The following KLHL32 variants were observed in gnomAD, a reference collection of about 807,000 sequenced individuals.
KLHL32 encodes kelch-like protein 32.
A neutral mutation model predicts 64.8 loss-of-function variants in KLHL32; 35 were observed. That is an observed-to-expected ratio of 0.54 (90% CI 0.41 to 0.72). KLHL32 has a LOEUF of 0.72. Ranked by LOEUF, KLHL32 falls within the 30% of genes least tolerant of loss-of-function variation. The pLI, the probability that KLHL32 is intolerant of heterozygous loss-of-function variation, is 0.00. For missense variants in KLHL32, 589 were observed against 768.5 expected, an observed-to-expected ratio of 0.77 and a Z score of 2.76; for synonymous variants, 259 against 281.0, an observed-to-expected ratio of 0.92 and a Z score of 0.78.
chr6:96,973,478 T>C (rs1231648603), intron 2 of KLHL32, among the ~76,000 whole-genome samples: 4 of 152,184 alleles, frequency 2.6e-5, no homozygotes, highest in Admixed American at 6.5e-5. Flanking sequence ...GTTGTGAAAG[T>C]TTCAAATATA....
chr6:97,041,440 C>A, intron 3 of KLHL32, 52 bp from the exon 4 acceptor site: 1 of 1,221,896 alleles, frequency 8.2e-7, no homozygotes, highest in Non-Finnish European at 1.2e-6. Flanking sequence ...TTTTGTCTTG[C>A]TCCCTTGCTG....
the KLHL32 span, among the ~76,000 whole-genome samples, chr6:96,899,864 G>A: frequency 6.6e-6 from 1 of 152,232 alleles, no homozygotes; most frequent in East Asian, 1.9e-4. Flanking sequence ...TGCTTAGAAT[G>A]AAGCTTCCAT....
chr6:96,981,968 A>G (rs1776367171), intron 3 of KLHL32, among the ~76,000 whole-genome samples: 1 of 152,054 alleles, frequency 6.6e-6, no homozygotes, highest in Admixed American at 6.6e-5. Context: ...TTTTATGGCT[A>G]ATTGAGTCAT....
Position 97,139,453 on chromosome 6 carries a change from C to G in KLHL32, c.*171C>G. On this transcript the variant is annotated 3_prime_UTR_variant, in exon 11 of 11. Coordinates refer to ENST00000369261, the MANE Select transcript of KLHL32 (RefSeq NM_052904.4). ...AAAATACGTTATTGAAAACTCGTCACCCTTCTCAGTGTATGTCAACATTCA... is the reference window on the plus strand; with the variant it reads ...AAAATACGTTATTGAAAACTCGTCAGCCTTCTCAGTGTATGTCAACATTCA... The G allele has an allele frequency of 1.7e-6, 1 of 602,310 alleles. No homozygotes were observed. The highest frequency in any genetic ancestry group is 2.9e-6 in the Non-Finnish European group (1 of 346,590). The allele number at this position is 602,310 out of a possible 1,614,324, so 37.3% of individuals were successfully genotyped here.
chr6:97,140,516 A>G lies in KLHL32; in HGVS notation c.*1234A>G, dbSNP rs1800575496. On this transcript the variant is annotated 3_prime_UTR_variant, in exon 11 of 11. Coordinates refer to ENST00000369261, the MANE Select transcript of KLHL32 (RefSeq NM_052904.4). ...GGGTTTGCTTTGTCTATAACAAAAA[A>G]TAAATACAACAACTTAATAATCACA... 6.6e-6 allele frequency: 1 copy of G among 152,082 alleles called. No homozygotes were observed. The highest frequency in any genetic ancestry group is 2.4e-5 in the African/African-American group (1 of 41,460). The allele number at this position is 152,082 out of a possible 1,614,324, so 9.4% of individuals were successfully genotyped here. A position where few individuals can be genotyped will look rare whatever the true frequency, so the allele number is the denominator to read the frequency against.
intron 3 of KLHL32, among the ~76,000 whole-genome samples, chr6:97,019,592 C>T (rs1390155798): frequency 6.6e-6 from 1 of 152,168 alleles, no homozygotes; most frequent in Non-Finnish European, 1.5e-5. Context: ...GTTCTCTCAG[C>T]AGCTAGGAAT....
At chr6:96,960,890 G>A (rs1389878218) in intron 1 of KLHL32, among the ~76,000 whole-genome samples, 1 of 152,166 alleles carries the variant, frequency 6.6e-6, no homozygotes, top group Non-Finnish European at 1.5e-5. Flanking sequence ...TAAAGACCTA[G>A]AATCAACAGA....
intron 2 of KLHL32, among the ~76,000 whole-genome samples, chr6:96,970,232 A>G (rs1052209959): frequency 2.0e-5 from 3 of 152,132 alleles, no homozygotes; most frequent in Non-Finnish European, 4.4e-5. Flanking sequence ...TTGGTACTAC[A>G]GCTTGAATGA....
At chr6:97,023,392 A>C (rs1258937470) in intron 3 of KLHL32, among the ~76,000 whole-genome samples, 1 of 152,208 alleles carries the variant, frequency 6.6e-6, no homozygotes, top group Non-Finnish European at 1.5e-5. Context: ...TATAAAACTG[A>C]TCAGTGTAAC....
chr6:97,035,809 G>C (rs1784211805), intron 3 of KLHL32, among the ~76,000 whole-genome samples: 1 of 152,076 alleles, frequency 6.6e-6, no homozygotes, highest in Non-Finnish European at 1.5e-5. Context: ...TCCTGGTGCA[G>C]ATCTCTTTGT....
chr6:97,081,102 G>A (rs1007260406), intron 5 of KLHL32, among the ~76,000 whole-genome samples: 2 of 152,154 alleles, frequency 1.3e-5, no homozygotes, highest in Non-Finnish European at 2.9e-5. Flanking sequence ...TCCAATAAGA[G>A]GGCACAGACC....
At chr6:97,125,255 G>T (rs544009808) in intron 7 of KLHL32, among the ~76,000 whole-genome samples, 92 of 152,144 alleles carry the variant, frequency 6.0e-4, no homozygotes, top group Non-Finnish European at 1.2e-3. Flanking sequence ...GGCCTGGATA[G>T]GTTCCTTCCC....
intron 6 of KLHL32, 93 bp downstream of exon 6, chr6:97,085,434 G>A (rs1793266378): frequency 9.2e-7 from 1 of 1,082,928 alleles, no homozygotes; most frequent in Non-Finnish European, 1.4e-6. Flanking sequence ...CTATTTTAGT[G>A]GCTTTGGTCC....
At chr6:96,925,930 T>C (rs543814375) in intron 1 of KLHL32, among the ~76,000 whole-genome samples, 1 of 152,310 alleles carries the variant, frequency 6.6e-6, no homozygotes, top group South Asian at 2.1e-4. Context: ...CTAGAGCTTA[T>C]ATGAAAGTGC....
chr6:97,114,235 C>T lies in KLHL32; in HGVS notation c.1080C>T (p.Gly360=). The change falls in exon 7 of 11, where the codon GGC becomes GGT. Residue 360 remains glycine, a synonymous_variant. Coordinates refer to ENST00000369261, the MANE Select transcript of KLHL32 (RefSeq NM_052904.4). ...VAGGEVEHAS[G]RTCAVRTACR... is the part of the protein sequence containing the mutation. ...GAGGGGAAGTTGAGCATGCCAGTGG[C>T]CGGACGTGTGCTGTGAGGACTGCCT... 1.2e-6 allele frequency: 2 copies of T among 1,614,056 alleles called. No individual in the cohort carries two copies. Among genetic ancestry groups the T allele is most frequent in the East Asian group, 4.5e-5 (2 of 44,868 alleles).
In KLHL32 at chr6:96,932,773, G is replaced by A. The variant is rs548256285; in HGVS notation, c.-66+7747G>A. Among the ~76,000 whole-genome samples the A allele has an allele frequency of 9.9e-5, 15 of 151,966 alleles. No individual in the cohort carries two copies. The South Asian group carries it at 3.1e-3, about 32-fold the overall frequency. ...TTTGTAGAGATGGGTGTCTCACTAT[G>A]TTTCCCTGGCTGGTCTCGAGCTCCT... On this transcript the variant is annotated intron_variant, in intron 1 of 10. Transcript: ENST00000369261.
the KLHL32 span, among the ~76,000 whole-genome samples, chr6:96,911,734 TCTTA>T: frequency 3.3e-5 from 5 of 152,072 alleles, no homozygotes; most frequent in Non-Finnish European, 5.9e-5. Context: ...TTGGTCTTTT[TCTTA>T]CTTATTACTC....
At chr6:96,922,770 T>C (rs1373356371), upstream of KLHL32, among the ~76,000 whole-genome samples, 1 of 152,222 alleles carries the variant, frequency 6.6e-6, no homozygotes, top group Non-Finnish European at 1.5e-5. Flanking sequence ...TAGTTGCTCC[T>C]CTAGGAGTGG....
At chr6:97,049,588 C>T (rs377611033) in intron 4 of KLHL32, among the ~76,000 whole-genome samples, 7 of 50,456 alleles carry the variant, frequency 1.4e-4, no homozygotes, top group South Asian at 7.0e-4. Flanking sequence ...TAACGGGGGG[C>T]GGGGGGGAAC....
Sources: gnomAD v4.1 joint callset for allele counts (sites outside exome capture counted in the v4.1 genomes callset) on GRCh38, gnomAD v4.1.1 for gene constraint, MANE v1.5 for transcripts, NCBI Gene and HGNC (gene_info 2026-07-23, HGNC 2026-07-21) for gene names.